The following CSMD1 variants were observed in gnomAD, a reference collection of about 807,000 sequenced individuals.
The protein encoded by CSMD1 is CUB and Sushi multiple domains 1.
In CSMD1, 213 loss-of-function variants were observed where a neutral mutation model predicts 417.5. The observed-to-expected ratio is 0.51, with a 90% CI of 0.46 to 0.57. The LOEUF (loss-of-function observed/expected upper bound fraction) is 0.57. Among genes scored for constraint, CSMD1 ranks in the 20% least tolerant of loss-of-function variants. The pLI is 0.00. For missense variants in CSMD1, 6,923 were observed against 4,529.7 expected (o/e 1.53, Z -15.17); for synonymous variants, 2,862 against 1,736.8 (o/e 1.65, Z -16.11).
At chr8:4,940,501 C>A (rs1371504115) in intron 1 of CSMD1, among the ~76,000 whole-genome samples, 1 of 152,158 alleles carries the variant, frequency 6.6e-6, no homozygotes, top group Non-Finnish European at 1.5e-5. Context: ...TGTTTGCTAA[C>A]CTAGGCACTT....
intron 12 of CSMD1, among the ~76,000 whole-genome samples, chr8:3,430,403 A>G (rs1377862309): frequency 1.3e-5 from 2 of 152,082 alleles, no homozygotes; most frequent in Admixed American, 1.3e-4. Context: ...TCTTCTGTTT[A>G]TTTTTTTAAT....
intron 1 of CSMD1, among the ~76,000 whole-genome samples, chr8:4,776,584 A>C (rs1796864538): frequency 1.3e-5 from 2 of 152,090 alleles, no homozygotes; most frequent in Admixed American, 1.3e-4. Flanking sequence ...ACTTCTGCAT[A>C]AACGTTCGCG....
chr8:3,320,733 C>A (rs918798590), intron 23 of CSMD1, among the ~76,000 whole-genome samples: 2 of 152,180 alleles, frequency 1.3e-5, no homozygotes, highest in African/African-American at 2.4e-5. Flanking sequence ...TGCCATCCAT[C>A]AGCCTAACTG....
At chr8:3,551,109 T>C (rs760270616) in intron 10 of CSMD1, among the ~76,000 whole-genome samples, 16 of 152,188 alleles carry the variant, frequency 1.1e-4, no homozygotes, top group Non-Finnish European at 2.1e-4. Flanking sequence ...GAGAGTAGAC[T>C]TGACCTCTTT....
chr8:3,499,302 G>A (rs988963436), intron 10 of CSMD1, among the ~76,000 whole-genome samples: 3 of 152,164 alleles, frequency 2.0e-5, no homozygotes, highest in East Asian at 1.9e-4. Context: ...CTTGGCTGCA[G>A]GTGTTTGTGG....
intron 1 of CSMD1, among the ~76,000 whole-genome samples, chr8:4,799,755 A>G (rs1002497020): frequency 6.6e-6 from 1 of 152,054 alleles, no homozygotes; most frequent in Admixed American, 6.6e-5. Context: ...TTTACATTTG[A>G]CCTGGAAATT....
chr8:4,654,509 A>G (rs1413531812), intron 1 of CSMD1, among the ~76,000 whole-genome samples: 2 of 152,098 alleles, frequency 1.3e-5, no homozygotes, highest in Non-Finnish European at 2.9e-5. Flanking sequence ...CAGGCAATGC[A>G]TATACTTCTT....
At chr8:3,582,310 C>A (rs1286432063) in intron 9 of CSMD1, among the ~76,000 whole-genome samples, 1 of 152,128 alleles carries the variant, frequency 6.6e-6, no homozygotes, top group African/African-American at 2.4e-5. Flanking sequence ...ATGTTTTTCA[C>A]CTCTTCTCTA....
intron 7 of CSMD1, among the ~76,000 whole-genome samples, chr8:3,691,832 A>C (rs2129033041): frequency 6.6e-6 from 1 of 152,342 alleles, no homozygotes; most frequent in Non-Finnish European, 1.5e-5. Flanking sequence ...AAATATGATG[A>C]AAGAGAGTCT....
rs554922484 is a variant in CSMD1, at chr8:4,729,038, T to C, written c.86-91480A>G. On this transcript the variant is annotated intron_variant, in intron 1 of 69. Coordinates refer to ENST00000635120, the MANE Select transcript of CSMD1 (RefSeq NM_033225.6). ...GCGTTAGTATACAGACGGAAAGAGA[T>C]AAATTCACTGATGACCTGAATATAG... 3.9e-5 allele frequency among the ~76,000 whole-genome samples: 6 copies of C among 152,282 alleles called. No homozygotes were observed. The East Asian group carries it at 9.7e-4, about 25-fold the overall frequency.
At chr8:3,163,324 G>C (rs941897098) in intron 37 of CSMD1, among the ~76,000 whole-genome samples, 1 of 152,028 alleles carries the variant, frequency 6.6e-6, no homozygotes, top group Non-Finnish European at 1.5e-5. Context: ...ACAACAACAG[G>C]AGAGAACTTA....
chr8:4,068,111 C>T (rs1257987264), intron 3 of CSMD1, among the ~76,000 whole-genome samples: 1 of 152,000 alleles, frequency 6.6e-6, no homozygotes, highest in Non-Finnish European at 1.5e-5. Context: ...AGGGACACAA[C>T]AGTGAGTGTC....
intron 10 of CSMD1, among the ~76,000 whole-genome samples, chr8:3,514,574 C>T (rs908409361): frequency 6.6e-6 from 1 of 152,086 alleles, no homozygotes; most frequent in Non-Finnish European, 1.5e-5. Flanking sequence ...GGGAATATTC[C>T]TAAATTCTAT....
intron 12 of CSMD1, among the ~76,000 whole-genome samples, chr8:3,449,424 T>C (rs963846858): frequency 3.9e-5 from 6 of 152,150 alleles, no homozygotes; most frequent in Non-Finnish European, 8.8e-5. Flanking sequence ...GCTCCCACCA[T>C]GCCTAAGGAT....
intron 10 of CSMD1, among the ~76,000 whole-genome samples, chr8:3,522,456 G>T (rs1277073997): frequency 6.6e-6 from 1 of 152,192 alleles, no homozygotes; most frequent in Non-Finnish European, 1.5e-5. Flanking sequence ...CAAAGAGACA[G>T]CTGCATTTAC....
intron 2 of CSMD1, among the ~76,000 whole-genome samples, chr8:4,616,000 G>T (rs1015117467): frequency 2.0e-5 from 3 of 151,934 alleles, no homozygotes; most frequent in African/African-American, 4.8e-5. Context: ...TCACCTTTTC[G>T]GTTAGATAAT....
intron 3 of CSMD1, among the ~76,000 whole-genome samples, chr8:4,419,087 G>T (rs750795951): frequency 6.6e-6 from 1 of 152,082 alleles, no homozygotes; most frequent in Non-Finnish European, 1.5e-5. Flanking sequence ...AGTATTCCCA[G>T]TAAGAATATA....
chr8:4,391,826 G>C (rs1258357381), intron 3 of CSMD1, among the ~76,000 whole-genome samples: 2 of 152,160 alleles, frequency 1.3e-5, no homozygotes, highest in Non-Finnish European at 1.5e-5. Flanking sequence ...TGCCTTGCTT[G>C]TTCTGGCAAA....
At chr8:4,137,224 A>C (rs1193171090) in intron 3 of CSMD1, among the ~76,000 whole-genome samples, 1 of 152,178 alleles carries the variant, frequency 6.6e-6, no homozygotes, top group Non-Finnish European at 1.5e-5. Context: ...CCTTTAATTA[A>C]TTCTCCATGA....
Sources: gnomAD v4.1 joint callset for allele counts (sites outside exome capture counted in the v4.1 genomes callset) on GRCh38, gnomAD v4.1.1 for gene constraint, MANE v1.5 for transcripts, NCBI Gene and HGNC (gene_info 2026-07-23, HGNC 2026-07-21) for gene names.